The following CTNND2 variants were observed in gnomAD, a reference collection of about 807,000 sequenced individuals.
CTNND2 encodes the protein catenin delta 2, also known as catenin delta-2.
In CTNND2, 22 loss-of-function variants were observed where a neutral mutation model predicts 144.4. That is an observed-to-expected ratio of 0.15 (90% confidence interval 0.11 to 0.22). The LOEUF (loss-of-function observed/expected upper bound fraction) is 0.22. Ranked by LOEUF, CTNND2 falls within the 10% of genes least tolerant of loss-of-function variation. The pLI, the probability that CTNND2 is intolerant of heterozygous loss-of-function variation, is 1.00. For missense variants in CTNND2, 1,353 were observed against 1,618.8 expected (o/e 0.84, Z 2.82); for synonymous variants, 751 against 695.6 (o/e 1.08, Z -1.25).
chr5:11,190,530 G>T (rs1736134151), intron 11 of CTNND2, among the ~76,000 whole-genome samples: 1 of 152,218 alleles, frequency 6.6e-6, no homozygotes, highest in Non-Finnish European at 1.5e-5. Flanking sequence ...CTGGAGTCTG[G>T]CCTCCAACCC....
chr5:11,780,849 T>C (rs1561791292), intron 1 of CTNND2, among the ~76,000 whole-genome samples: 1 of 152,152 alleles, frequency 6.6e-6, no homozygotes, highest in Non-Finnish European at 1.5e-5. Context: ...TCCTGAGCAG[T>C]GACACAACAG....
chr5:11,609,143 C>T (rs528449970), intron 2 of CTNND2, among the ~76,000 whole-genome samples: 16 of 152,226 alleles, frequency 1.1e-4, no homozygotes, highest in South Asian at 1.0e-3. Flanking sequence ...TTTTTTTCTC[C>T]GTGTATTTTG....
chr5:11,747,717 AC>A (rs1478976277), intron 1 of CTNND2, among the ~76,000 whole-genome samples: 9 of 152,144 alleles, frequency 5.9e-5, no homozygotes, highest in Non-Finnish European at 8.8e-5. Flanking sequence ...TGGCAAAAAA[AC>A]AAAACAAAAC....
intron 1 of CTNND2, among the ~76,000 whole-genome samples, chr5:11,749,447 G>T (rs888452546): frequency 6.6e-6 from 1 of 151,952 alleles, no homozygotes; most frequent in Non-Finnish European, 1.5e-5. Context: ...CAGAAAATAT[G>T]CCAGGCCAGA....
chr5:11,567,151 G>A (rs184537291), intron 2 of CTNND2, among the ~76,000 whole-genome samples: 2 of 151,646 alleles, frequency 1.3e-5, no homozygotes, highest in East Asian at 1.9e-4. Flanking sequence ...TGTTTATTTT[G>A]TATTTTTTTA....
intron 1 of CTNND2, among the ~76,000 whole-genome samples, chr5:11,766,313 G>C (rs4605783): frequency 0.81 from 123,942 of 152,128 alleles, 54,915 homozygotes; most frequent in Non-Finnish European, 0.98. Context: ...GTGGTGATAT[G>C]GTTTGGCTGT....
chr5:11,346,387 A>G lies in CTNND2; in HGVS notation c.1613T>C (p.Ile538Thr), dbSNP rs1407019988. 1 of 1,467,032 alleles carries G rather than the reference A, an allele frequency of 6.8e-7. No homozygotes were observed. The highest frequency in any genetic ancestry group is 1.8e-4 in the Middle Eastern group (1 of 5,496). The allele number at this position is 1,467,032 out of a possible 1,614,324, so 90.9% of individuals were successfully genotyped here. Residue 538 changes from isoleucine to threonine, a missense_variant, in exon 9 of 22, where the codon ATT (isoleucine) becomes ACT (threonine). Physicochemically the swap from Ile to Thr is moderately conservative, Grantham distance 89. Transcript: ENST00000304623. ...TTTTACCCACCTGGGATCTTTCTGA[A>G]TGCTATCAATGGACGGGGACCTGGC... is the stretch of plus-strand genomic sequence containing the variant. Reference protein sequence around the residue: ...TLARSPSIDSIQKDPREFGWR... With the variant: ...TLARSPSIDSTQKDPREFGWR...
In CTNND2 at chr5:11,697,312, A is replaced by T. The variant is rs988110657; in HGVS notation, c.174+34824T>A. On this transcript the variant is annotated intron_variant, in intron 2 of 21. Transcript: ENST00000304623. ...GACCTTAACAGTATATAAAAGTTGG[A>T]TCTCAATTCACAGTTCTTCCATAAA... Among the ~76,000 whole-genome samples the T allele has an allele frequency of 2.6e-5, 4 of 152,276 alleles. No homozygotes were observed. In the South Asian group the frequency reaches 8.3e-4, roughly 32 times the overall value.
chr5:11,646,759 T>C (rs1458119829), intron 2 of CTNND2, among the ~76,000 whole-genome samples: 3 of 152,218 alleles, frequency 2.0e-5, no homozygotes, highest in East Asian at 1.9e-4. Context: ...TTCCTGATCA[T>C]GGCACAGGAG....
At chr5:11,791,484 A>G (rs1360457896) in intron 1 of CTNND2, among the ~76,000 whole-genome samples, 2 of 152,256 alleles carry the variant, frequency 1.3e-5, no homozygotes, top group African/African-American at 4.8e-5. Flanking sequence ...AGGGTCAGAG[A>G]ATAAATGGCA....
intron 11 of CTNND2, among the ~76,000 whole-genome samples, chr5:11,177,153 C>T (rs895323273): frequency 6.6e-6 from 1 of 152,136 alleles, no homozygotes; most frequent in South Asian, 2.1e-4. Context: ...AGTATTACAT[C>T]CCTTATTTCA....
chr5:11,128,951 A>T, intron 12 of CTNND2, among the ~76,000 whole-genome samples: 1 of 50,076 alleles, frequency 2.0e-5, no homozygotes, highest in Non-Finnish European at 3.9e-5. Context: ...TATATATAAT[A>T]TATAAATATA....
At chr5:11,601,819 C>T (rs993324821) in intron 2 of CTNND2, among the ~76,000 whole-genome samples, 35 of 152,042 alleles carry the variant, frequency 2.3e-4, no homozygotes, top group African/African-American at 8.2e-4. Flanking sequence ...AATTACCAAG[C>T]TAATTACTGA....
intron 14 of CTNND2, among the ~76,000 whole-genome samples, chr5:11,100,366 T>C (rs1312808213): frequency 6.6e-6 from 1 of 152,188 alleles, no homozygotes; most frequent in East Asian, 1.9e-4. Context: ...AGCCACTTCC[T>C]AACTATTCAA....
At chr5:11,579,164 T>A (rs1778213295) in intron 2 of CTNND2, among the ~76,000 whole-genome samples, 1 of 150,042 alleles carries the variant, frequency 6.7e-6, no homozygotes, top group Non-Finnish European at 1.5e-5. Context: ...TTTTTTTTTT[T>A]AACTTTTTAA....
intron 1 of CTNND2, among the ~76,000 whole-genome samples, chr5:11,843,898 A>G (rs977300799): frequency 1.3e-5 from 2 of 152,198 alleles, no homozygotes; most frequent in African/African-American, 4.8e-5. Flanking sequence ...TGTTTGTACT[A>G]GCACAGAAAA....
chr5:11,792,606 C>T (rs1206137517), intron 1 of CTNND2, among the ~76,000 whole-genome samples: 2 of 152,212 alleles, frequency 1.3e-5, no homozygotes, highest in Admixed American at 6.5e-5. Flanking sequence ...AGAGGAAGCA[C>T]ATCAAGGCCG....
intron 3 of CTNND2, among the ~76,000 whole-genome samples, chr5:11,563,877 T>C (rs1034267848): frequency 6.6e-6 from 1 of 152,244 alleles, no homozygotes; most frequent in African/African-American, 2.4e-5. Flanking sequence ...ATTTTTATTC[T>C]TTTGTGGCAG....
At chr5:11,705,866 C>T (rs1785666955) in intron 2 of CTNND2, among the ~76,000 whole-genome samples, 1 of 152,174 alleles carries the variant, frequency 6.6e-6, no homozygotes, top group South Asian at 2.1e-4. Context: ...GGATGTCATA[C>T]CTATGATTAC....
Sources: gnomAD v4.1 joint callset for allele counts (sites outside exome capture counted in the v4.1 genomes callset) on GRCh38, gnomAD v4.1.1 for gene constraint, MANE v1.5 for transcripts, NCBI Gene and HGNC (gene_info 2026-07-23, HGNC 2026-07-21) for gene names.